PTPRT: variants seen among roughly 807,000 people sequenced by gnomAD.
PTPRT encodes the protein protein tyrosine phosphatase receptor type T.
In PTPRT, 56 loss-of-function variants were observed where a neutral mutation model predicts 176.8. The ratio of observed to expected loss-of-function variants is 0.32; its 90% CI spans 0.26 to 0.40. The LOEUF (loss-of-function observed/expected upper bound fraction) is 0.40. Among genes scored for constraint, PTPRT ranks in the 10% least tolerant of loss-of-function variants. The pLI, the probability that PTPRT is intolerant of heterozygous loss-of-function variation, is 1.00. For missense variants in PTPRT, 1,540 were observed against 1,908.2 expected (o/e 0.81, Z 3.60); for synonymous variants, 783 against 739.0 (o/e 1.06, Z -0.96).
intron 2 of PTPRT, among the ~76,000 whole-genome samples, chr20:42,818,489 A>C (rs2077831473): frequency 2.6e-5 from 4 of 152,062 alleles, no homozygotes; most frequent in South Asian, 4.2e-4. Flanking sequence ...TCCTCCTCCA[A>C]ACGACTGCAA....
chr20:43,078,427 T>A (rs1318018487), intron 1 of PTPRT, among the ~76,000 whole-genome samples: 19 of 152,144 alleles, frequency 1.2e-4, no homozygotes, highest in Admixed American at 1.3e-4. Context: ...TCCAGGTGAT[T>A]TTTTTTCTCT....
intron 6 of PTPRT, among the ~76,000 whole-genome samples, chr20:42,679,626 A>T (rs981761993): frequency 5.9e-5 from 9 of 152,210 alleles, no homozygotes; most frequent in African/African-American, 7.2e-5. Flanking sequence ...CCATTCCAAT[A>T]TTTATGTACT....
chr20:42,217,092 G>A (rs1449420382), intron 15 of PTPRT, among the ~76,000 whole-genome samples: 2 of 152,098 alleles, frequency 1.3e-5, no homozygotes, highest in Non-Finnish European at 2.9e-5. Context: ...ATTACATCCA[G>A]GCCAGGCGCA....
At chr20:42,600,572 C>T (rs544494588) in intron 7 of PTPRT, among the ~76,000 whole-genome samples, 3 of 152,184 alleles carry the variant, frequency 2.0e-5, no homozygotes, top group African/African-American at 7.2e-5. Flanking sequence ...GGATAGTGTA[C>T]ATTGCGCCGA....
intron 9 of PTPRT, among the ~76,000 whole-genome samples, chr20:42,433,074 C>G (rs552556297): frequency 6.6e-6 from 1 of 152,290 alleles, no homozygotes; most frequent in Admixed American, 6.5e-5. Flanking sequence ...GACTCTGACA[C>G]GGACATGTCT....
At position 42,580,952 on chromosome 20, in the gene PTPRT, G is replaced by C. The variant is rs559409751; in HGVS notation, c.1153+96914C>G. ...ACTTCCAACACTATGTTGAATAGGA[G>C]TGGTGAGAGAGGGCATCCCTGTCTT... On this transcript the variant is annotated intron_variant, in intron 7 of 30. Transcript: ENST00000373187. Among the ~76,000 whole-genome samples, 4 of 152,228 alleles carry C rather than the reference G, an allele frequency of 2.6e-5. No individual in the cohort carries two copies. In the South Asian group the frequency reaches 6.2e-4, roughly 24 times the overall value.
intron 6 of PTPRT, among the ~76,000 whole-genome samples, chr20:42,730,413 G>A (rs535512485): frequency 7.9e-5 from 12 of 152,334 alleles, no homozygotes; most frequent in African/African-American, 2.9e-4. Flanking sequence ...GCCTGGGAAA[G>A]TGTTAGAAGC....
intron 1 of PTPRT, among the ~76,000 whole-genome samples, chr20:43,111,272 G>A (rs1361317936): frequency 6.6e-6 from 1 of 152,170 alleles, no homozygotes; most frequent in Non-Finnish European, 1.5e-5. Flanking sequence ...GGGCACAGTG[G>A]CTCACGCCTG....
At chr20:42,231,576 TA>T (rs2056136601) in intron 15 of PTPRT, among the ~76,000 whole-genome samples, 1 of 152,212 alleles carries the variant, frequency 6.6e-6, no homozygotes, top group Non-Finnish European at 1.5e-5. Context: ...AGGCACGGGA[TA>T]AAGTACATGG....
At position 42,844,762 on chromosome 20, in the gene PTPRT, G is replaced by A. The variant is rs1414136507; in HGVS notation, c.214+41045C>T. Reference sequence around the variant, plus strand: ...CTAGAATCAGCTTCACACTGCTCTGGCGTTTGTTCATTCATCAGTTCGAGC... The same window carrying A: ...CTAGAATCAGCTTCACACTGCTCTGACGTTTGTTCATTCATCAGTTCGAGC... On this transcript the variant is annotated intron_variant, in intron 2 of 30. Transcript: ENST00000373187. 2.6e-5 allele frequency among the ~76,000 whole-genome samples: 4 copies of A among 152,128 alleles called. No individual in the cohort carries two copies. In the East Asian group the frequency reaches 5.8e-4, roughly 22 times the overall value.
intron 6 of PTPRT, among the ~76,000 whole-genome samples, chr20:42,716,769 A>G (rs2076229866): frequency 6.6e-6 from 1 of 152,162 alleles, no homozygotes; most frequent in Non-Finnish European, 1.5e-5. Flanking sequence ...CACAATAGCA[A>G]AGACTTGGAA....
chr20:42,508,213 T>A (rs896846092), intron 7 of PTPRT, among the ~76,000 whole-genome samples: 2 of 150,518 alleles, frequency 1.3e-5, no homozygotes, highest in Non-Finnish European at 2.9e-5. Flanking sequence ...AAAAAAAGAC[T>A]AAGGTAGAAT....
At chr20:42,594,417 T>C (rs1039522485) in intron 7 of PTPRT, among the ~76,000 whole-genome samples, 13 of 152,316 alleles carry the variant, frequency 8.5e-5, no homozygotes, top group African/African-American at 2.6e-4. Flanking sequence ...ATTTACACTT[T>C]GTAATGTTCG....
intron 16 of PTPRT, among the ~76,000 whole-genome samples, chr20:42,197,104 G>T (rs1376117017): frequency 2.0e-5 from 3 of 152,180 alleles, no homozygotes; most frequent in Non-Finnish European, 4.4e-5. Flanking sequence ...TCAAGGCTGG[G>T]TGTGGTGGCT....
chr20:42,470,227 A>C (rs2071169405), intron 8 of PTPRT, among the ~76,000 whole-genome samples: 1 of 152,132 alleles, frequency 6.6e-6, no homozygotes, highest in Non-Finnish European at 1.5e-5. Flanking sequence ...GCAGAGAGAC[A>C]AAAGTTACTG....
chr20:42,570,305 C>T (rs4542913), intron 7 of PTPRT, among the ~76,000 whole-genome samples: 2,541 of 152,264 alleles, frequency 0.017, 77 homozygotes, highest in South Asian at 0.092. Flanking sequence ...GAGCTCTCCT[C>T]GGCACATAAG....
intron 1 of PTPRT, among the ~76,000 whole-genome samples, chr20:42,957,856 T>C (rs544460322): frequency 3.3e-5 from 5 of 152,124 alleles, no homozygotes; most frequent in Admixed American, 6.5e-5. Context: ...AAGTTGGTAA[T>C]TGAGATGGTC....
At chr20:42,399,170 G>T (rs1263625563) in intron 9 of PTPRT, among the ~76,000 whole-genome samples, 1 of 152,220 alleles carries the variant, frequency 6.6e-6, no homozygotes, top group Non-Finnish European at 1.5e-5. Context: ...GGATTTAAGG[G>T]GCTGGAGACT....
chr20:42,899,250 G>C (rs1418031755), intron 1 of PTPRT, among the ~76,000 whole-genome samples: 1 of 152,220 alleles, frequency 6.6e-6, no homozygotes, highest in Non-Finnish European at 1.5e-5. Flanking sequence ...GATGGCCATG[G>C]GTCATCCCCC....
Sources: gnomAD v4.1 joint callset for allele counts (sites outside exome capture counted in the v4.1 genomes callset) on GRCh38, gnomAD v4.1.1 for gene constraint, MANE v1.5 for transcripts, NCBI Gene and HGNC (gene_info 2026-07-23, HGNC 2026-07-21) for gene names.